HRH1: variants seen among roughly 807,000 people sequenced by gnomAD.
HRH1 encodes the protein histamine receptor H1.
A neutral mutation model predicts 10.3 loss-of-function variants in HRH1; 6 were observed. The observed-to-expected ratio is 0.58, with a 90% CI of 0.32 to 1.15. HRH1 has a LOEUF of 1.15. HRH1 is among the 50% of genes most tolerant of loss of function. The pLI, the probability that HRH1 is intolerant of heterozygous loss-of-function variation, is 0.05. For synonymous variants in HRH1, 242 were observed against 236.7 expected (o/e 1.02, Z -0.21); for missense variants, 514 against 615.3 (o/e 0.84, Z 1.74).
chr3:11,204,749 G>A (rs189463536), intron 1 of HRH1, among the ~76,000 whole-genome samples: 72 of 152,302 alleles, frequency 4.7e-4, no homozygotes, highest in African/African-American at 1.6e-3. Context: ...TGAGAAAACA[G>A]AGGCTCAGAA....
At chr3:11,138,549 C>T (rs147773904) in intron 1 of HRH1, among the ~76,000 whole-genome samples, 21 of 152,244 alleles carry the variant, frequency 1.4e-4, no homozygotes, top group East Asian at 5.8e-4. Flanking sequence ...GAATGTACCA[C>T]GGTGCAGTTA....
intron 1 of HRH1, among the ~76,000 whole-genome samples, chr3:11,178,951 G>T (rs114744195): frequency 6.6e-6 from 1 of 152,164 alleles, no homozygotes; most frequent in African/African-American, 2.4e-5. Context: ...AGTGCCTGGC[G>T]TGGAGTAGGT....
intron 1 of HRH1, among the ~76,000 whole-genome samples, chr3:11,239,193 ATT>A (rs1443551411): frequency 6.6e-6 from 1 of 152,178 alleles, no homozygotes; most frequent in Non-Finnish European, 1.5e-5. Flanking sequence ...TTCTTTTTAA[ATT>A]ATAGTCATCC....
rs1939856989 is a variant in HRH1 at position 11,258,980 on chromosome 3, A to G, written c.-35-23A>G. 2.0e-6 allele frequency: 3 copies of G among 1,520,636 alleles called. No homozygotes were observed. In the Admixed American group the frequency reaches 6.4e-5, roughly 33 times the overall value. The allele number at this position is 1,520,636 out of a possible 1,614,324, so 94.2% of individuals were successfully genotyped here. A position where few individuals can be genotyped will look rare whatever the true frequency, so the allele number is the denominator to read the frequency against. On this transcript the variant is annotated intron_variant, in intron 1 of 1. Transcript: ENST00000431010. ...ACTCATCACCCAAGTCTCTGACCTT[A>G]CTTTTTCTCTCTTTTCTCCCAGGGA...
At chr3:11,245,511 C>T (rs1285599704) in intron 1 of HRH1, among the ~76,000 whole-genome samples, 1 of 152,154 alleles carries the variant, frequency 6.6e-6, no homozygotes, top group Non-Finnish European at 1.5e-5. Flanking sequence ...CTTGGGCTTG[C>T]GGGCATTTAG....
intron 1 of HRH1, among the ~76,000 whole-genome samples, chr3:11,168,254 A>T (rs1019219795): frequency 6.6e-6 from 1 of 152,114 alleles, no homozygotes; most frequent in Admixed American, 6.5e-5. Context: ...AGTGTAGGAG[A>T]TGGAGTCAGA....
chr3:11,243,752 C>T (rs1939408269), intron 1 of HRH1, among the ~76,000 whole-genome samples: 1 of 152,182 alleles, frequency 6.6e-6, no homozygotes, highest in African/African-American at 2.4e-5. Flanking sequence ...CAAAGCCTGG[C>T]TTGCATATCA....
chr3:11,165,441 C>A (rs1348033161), intron 1 of HRH1, among the ~76,000 whole-genome samples: 3 of 152,170 alleles, frequency 2.0e-5, no homozygotes, highest in African/African-American at 7.2e-5. Context: ...ATATTAAGTG[C>A]TCCCCAATAC....
intron 1 of HRH1, among the ~76,000 whole-genome samples, chr3:11,247,129 C>T (rs1173109697): frequency 6.6e-6 from 1 of 151,982 alleles, no homozygotes; most frequent in Non-Finnish European, 1.5e-5. Flanking sequence ...TCGAGACCAG[C>T]CTAACCAATA....
intron 1 of HRH1, among the ~76,000 whole-genome samples, chr3:11,173,141 G>C (rs1331264125): frequency 1.3e-5 from 2 of 152,158 alleles, no homozygotes; most frequent in African/African-American, 4.8e-5. Context: ...GCCATACTTA[G>C]TAAAGGGTGG....
chr3:11,151,021 A>G (rs903462237), upstream of HRH1, among the ~76,000 whole-genome samples: 4 of 152,186 alleles, frequency 2.6e-5, no homozygotes, highest in African/African-American at 9.7e-5. Context: ...CTTTTAAGGA[A>G]CCATCTCTCA....
At chr3:11,239,301 C>T (rs144679233) in intron 1 of HRH1, among the ~76,000 whole-genome samples, 7 of 152,156 alleles carry the variant, frequency 4.6e-5, no homozygotes, top group Non-Finnish European at 5.9e-5. Context: ...TTGAGCCATT[C>T]CTCTATCTTA....
intron 1 of HRH1, among the ~76,000 whole-genome samples, chr3:11,247,819 G>A (rs780042290): frequency 2.6e-5 from 4 of 152,166 alleles, no homozygotes; most frequent in Non-Finnish European, 5.9e-5. Flanking sequence ...ATAAGGTGGG[G>A]GGGAACTAAG....
At chr3:11,239,652 G>A (rs1939281502) in intron 1 of HRH1, among the ~76,000 whole-genome samples, 1 of 152,092 alleles carries the variant, frequency 6.6e-6, no homozygotes, top group Non-Finnish European at 1.5e-5. Flanking sequence ...AGTAATTTTT[G>A]TGTATGATAT....
At chr3:11,206,314 C>T (rs1011821986) in intron 1 of HRH1, among the ~76,000 whole-genome samples, 6 of 152,198 alleles carry the variant, frequency 3.9e-5, no homozygotes, top group Admixed American at 2.0e-4. Context: ...GACAGAGTTT[C>T]GCCATCTTGG....
Position 11,260,532 on chromosome 3 carries a change from TC to T in HRH1, c.*33del, listed in dbSNP as rs1386195877. On this transcript the variant is annotated 3_prime_UTR_variant, in exon 2 of 2. Coordinates refer to ENST00000431010, the MANE Select transcript of HRH1 (RefSeq NM_001098212.2). ...GCTCTGAGGGGATGCAACAAAATGA[TC>T]CTTATGATGTCCAACAAGGAAATAG... 2.0e-6 allele frequency: 3 copies of T among 1,535,270 alleles called. No individual in the cohort carries two copies. In the South Asian group the frequency reaches 3.9e-5, roughly 20 times the overall value.
At chr3:11,228,459 G>T (rs1291990050) in intron 1 of HRH1, among the ~76,000 whole-genome samples, 2 of 152,114 alleles carry the variant, frequency 1.3e-5, no homozygotes, top group South Asian at 2.1e-4. Flanking sequence ...CAGGAGTGGT[G>T]AGTCCTCAGC....
chr3:11,227,651 C>T (rs1043186171), intron 1 of HRH1, among the ~76,000 whole-genome samples: 1 of 152,202 alleles, frequency 6.6e-6, no homozygotes, highest in Admixed American at 6.5e-5. Flanking sequence ...GGACTCTGGT[C>T]TGCACCTGAG....
chr3:11,194,702 C>A (rs1937609004), intron 1 of HRH1, among the ~76,000 whole-genome samples: 1 of 152,140 alleles, frequency 6.6e-6, no homozygotes, highest in African/African-American at 2.4e-5. Context: ...GTAATCCCAG[C>A]TACTTGGGAG....
Sources: allele counts gnomAD v4.1 joint callset (sites outside exome capture counted in the v4.1 genomes callset), GRCh38; gene constraint gnomAD v4.1.1; transcripts MANE v1.5; gene names NCBI Gene and HGNC (gene_info 2026-07-23, HGNC 2026-07-21).